The following GRM5 variants were observed in gnomAD, a reference collection of about 807,000 sequenced individuals.
GRM5 encodes the protein metabotropic glutamate receptor 5.
Under a neutral mutation model 83.1 loss-of-function variants are expected in GRM5, and 19 were observed. The ratio of observed to expected loss-of-function variants is 0.23; its 90% confidence interval spans 0.16 to 0.34. The LOEUF (loss-of-function observed/expected upper bound fraction) is 0.34. Among genes scored for constraint, GRM5 ranks in the 10% least tolerant of loss-of-function variants. The pLI, the probability that GRM5 is intolerant of heterozygous loss-of-function variation, is 1.00. For missense variants in GRM5, 1,160 were observed against 1,588.3 expected (o/e 0.73, Z 4.58); for synonymous variants, 675 against 633.6 (o/e 1.07, Z -0.98).
intron 7 of GRM5, among the ~76,000 whole-genome samples, chr11:88,568,251 C>G (rs886908814): frequency 1.3e-5 from 2 of 152,104 alleles, no homozygotes; most frequent in Middle Eastern, 6.8e-3. Context: ...GTTTCCTGCT[C>G]TCATAAAAAA....
chr11:88,606,236 C>T (rs1938138964), intron 4 of GRM5, among the ~76,000 whole-genome samples: 1 of 152,140 alleles, frequency 6.6e-6, no homozygotes, highest in South Asian at 2.1e-4. Context: ...AGATTGCTGC[C>T]TTTTGGCTAG....
Position 88,653,336 on chromosome 11 carries a change from T to C in GRM5, c.979A>G (p.Ile327Val). Residue 327 changes from isoleucine to valine, a missense_variant, in exon 4 of 10, where the codon ATC becomes GTC. This residue lies in a region of GRM5 where 84 missense variants were observed against 231.0 expected (regional missense o/e 0.36). Coordinates refer to ENST00000305447, the MANE Select transcript of GRM5 (RefSeq NM_001143831.3). ...TTGACATCGGGAGATTGGAGCTTGA[T>C]TGTGATGCCACCAACAGCTTCTCGC... is the stretch of plus-strand genomic sequence containing the variant. Reference protein sequence around the residue: ...YQREAVGGITIKLQSPDVKWF... With the variant: ...YQREAVGGITVKLQSPDVKWF... 4 of 1,613,134 alleles carry C rather than the reference T, an allele frequency of 2.5e-6. No homozygotes were observed. Among genetic ancestry groups the C allele is most frequent in the Non-Finnish European group, 3.4e-6 (4 of 1,179,390 alleles).
intron 2 of GRM5, among the ~76,000 whole-genome samples, chr11:88,903,646 C>T (rs1945354773): frequency 6.6e-6 from 1 of 152,076 alleles, no homozygotes; most frequent in Non-Finnish European, 1.5e-5. Context: ...AAATCAGACA[C>T]AGAAATACAA....
intron 7 of GRM5, among the ~76,000 whole-genome samples, chr11:88,576,238 A>T (rs914176172): frequency 1.3e-5 from 2 of 152,102 alleles, no homozygotes; most frequent in African/African-American, 4.8e-5. Context: ...CTCCTTGATG[A>T]GTATGACTTT....
chr11:88,940,623 T>C (rs1180607079), intron 2 of GRM5, among the ~76,000 whole-genome samples: 1 of 151,496 alleles, frequency 6.6e-6, no homozygotes, highest in African/African-American at 2.4e-5. Context: ...CATAAACATA[T>C]GGAAAAAATA....
chr11:88,831,967 T>G (rs1944003453), intron 3 of GRM5, among the ~76,000 whole-genome samples: 2 of 152,134 alleles, frequency 1.3e-5, no homozygotes, highest in Admixed American at 6.5e-5. Context: ...CCAGGCACAT[T>G]TAGCCTGCCA....
intron 4 of GRM5, among the ~76,000 whole-genome samples, chr11:88,631,832 C>T (rs1221361618): frequency 1.3e-5 from 2 of 152,196 alleles, no homozygotes; most frequent in East Asian, 3.9e-4. Flanking sequence ...ACATCAAAAT[C>T]ACAAAAGATA....
intron 4 of GRM5, among the ~76,000 whole-genome samples, chr11:88,642,169 C>A (rs1222062066): frequency 6.6e-6 from 1 of 152,176 alleles, no homozygotes; most frequent in African/African-American, 2.4e-5. Context: ...ATGTGGAAGC[C>A]ACCAAAGCTT....
At chr11:88,573,320 A>T (rs1943044314) in intron 7 of GRM5, among the ~76,000 whole-genome samples, 1 of 152,198 alleles carries the variant, frequency 6.6e-6, no homozygotes. Context: ...CCTAAAAATG[A>T]TGTGACTCCT....
chr11:88,866,268 C>T (rs1944663281), intron 2 of GRM5, among the ~76,000 whole-genome samples: 1 of 152,022 alleles, frequency 6.6e-6, no homozygotes, highest in East Asian at 1.9e-4. Context: ...ATGGATGAAG[C>T]TGGAAACCAT....
intron 2 of GRM5, among the ~76,000 whole-genome samples, chr11:88,979,068 T>C (rs1565318120): frequency 6.6e-6 from 1 of 152,212 alleles, no homozygotes; most frequent in South Asian, 2.1e-4. Context: ...TTTCATCTTC[T>C]TGTTCAGCAA....
intron 3 of GRM5, among the ~76,000 whole-genome samples, chr11:88,662,915 C>G (rs905944428): frequency 1.3e-5 from 2 of 152,284 alleles, no homozygotes; most frequent in East Asian, 3.9e-4. Flanking sequence ...AAATGCAGTT[C>G]GCCAATACCC....
intron 3 of GRM5, among the ~76,000 whole-genome samples, chr11:88,773,774 T>G (rs1041718503): frequency 6.6e-6 from 1 of 152,200 alleles, no homozygotes; most frequent in African/African-American, 2.4e-5. Context: ...ATGTATGGTA[T>G]TATTTCTGAG....
chr11:88,707,739 A>C (rs1591455116), intron 3 of GRM5, among the ~76,000 whole-genome samples: 1 of 152,114 alleles, frequency 6.6e-6, no homozygotes, highest in Non-Finnish European at 1.5e-5. Context: ...CATCTAATAT[A>C]TAAGTTCTTT....
intron 3 of GRM5, among the ~76,000 whole-genome samples, chr11:88,665,792 T>TC (rs1940027733): frequency 6.7e-6 from 1 of 149,554 alleles, no homozygotes; most frequent in South Asian, 2.1e-4. Context: ...ATTTTTTTTT[T>TC]AATTTGTTTA....
intron 2 of GRM5, among the ~76,000 whole-genome samples, chr11:88,878,293 G>T (rs1039955583): frequency 1.3e-5 from 2 of 152,112 alleles, no homozygotes; most frequent in African/African-American, 4.8e-5. Context: ...CAGTTATCAT[G>T]GGAATCACAA....
At chr11:88,796,432 T>C (rs929977046) in intron 3 of GRM5, among the ~76,000 whole-genome samples, 2 of 152,212 alleles carry the variant, frequency 1.3e-5, no homozygotes, top group Non-Finnish European at 2.9e-5. Context: ...AAGTGTCTTT[T>C]CTTTTAAATT....
chr11:88,851,936 G>T (rs192022578), intron 2 of GRM5, among the ~76,000 whole-genome samples: 1 of 152,130 alleles, frequency 6.6e-6, no homozygotes, highest in Non-Finnish European at 1.5e-5. Context: ...ATGTGCCAAA[G>T]GGCCTAAATT....
At chr11:89,048,953 A>G (rs1021989612) in intron 1 of GRM5, among the ~76,000 whole-genome samples, 1 of 152,178 alleles carries the variant, frequency 6.6e-6, no homozygotes, top group African/African-American at 2.4e-5. Flanking sequence ...TCAATACAAG[A>G]TATCAACGAA....
Sources: allele counts gnomAD v4.1 joint callset (sites outside exome capture counted in the v4.1 genomes callset), GRCh38; gene constraint gnomAD v4.1.1; regional missense constraint gnomAD v4.1.1; transcripts MANE v1.5; gene names NCBI Gene and HGNC (gene_info 2026-07-23, HGNC 2026-07-21).